Variants in CLIP4 observed in about 807,000 individuals in gnomAD.
CLIP4 encodes CAP-Gly domain-containing linker protein 4.
CLIP4 carries 47 observed loss-of-function variants against 73.1 expected under a neutral mutation model. That is an observed-to-expected ratio of 0.64 (90% confidence interval 0.51 to 0.82). The LOEUF (loss-of-function observed/expected upper bound fraction) is 0.82. Among genes scored for constraint, CLIP4 ranks in the 40% least tolerant of loss-of-function variants. The probability of loss-of-function intolerance (pLI) is 0.00; values close to 1 mark genes in which losing one functional copy is unlikely to be tolerated. For missense variants in CLIP4, 874 were observed against 852.9 expected, an observed-to-expected ratio of 1.02 and a Z score of -0.31; for synonymous variants, 306 against 295.4, an observed-to-expected ratio of 1.04 and a Z score of -0.37.
intron 6 of CLIP4, among the ~76,000 whole-genome samples, chr2:29,138,380 T>G (rs2147974295): frequency 6.6e-6 from 1 of 152,262 alleles, no homozygotes; most frequent in Non-Finnish European, 1.5e-5. Flanking sequence ...TTTTTAGCAA[T>G]ATCATGCTGT....
At chr2:29,157,059 GA>G in intron 10 of CLIP4, 144 bp from the exon 11 acceptor site, 1 of 663,570 alleles carries the variant, frequency 1.5e-6, no homozygotes, top group Non-Finnish European at 2.6e-6. Flanking sequence ...TTGCTATTTG[GA>G]TGAAATTAGG....
intron 13 of CLIP4, among the ~76,000 whole-genome samples, chr2:29,166,741 A>C (rs879810122): frequency 4.6e-5 from 7 of 152,174 alleles, no homozygotes; most frequent in Non-Finnish European, 8.8e-5. Flanking sequence ...TCAGTCTCTC[A>C]TTGCAGTATG....
chr2:29,098,141 G>C (rs748831848), intron 1 of CLIP4, among the ~76,000 whole-genome samples: 20 of 152,184 alleles, frequency 1.3e-4, no homozygotes, highest in Non-Finnish European at 2.6e-4. Context: ...GTACGTAATG[G>C]AATGATCAGA....
chr2:29,160,065 A>C (rs1211497780), intron 11 of CLIP4, among the ~76,000 whole-genome samples: 6 of 152,244 alleles, frequency 3.9e-5, no homozygotes, highest in Non-Finnish European at 7.3e-5. Context: ...GTAGTTTACC[A>C]GGGATCAGGT....
At chr2:29,123,454 G>T (rs922925961) in intron 2 of CLIP4, among the ~76,000 whole-genome samples, 3 of 152,174 alleles carry the variant, frequency 2.0e-5, no homozygotes, top group Non-Finnish European at 2.9e-5. Context: ...AGGTCATAAT[G>T]AATTCTGTGG....
At chr2:29,168,877 C>T (rs1406360969) in intron 14 of CLIP4, among the ~76,000 whole-genome samples, 1 of 151,112 alleles carries the variant, frequency 6.6e-6, no homozygotes, top group African/African-American at 2.4e-5. Context: ...AAGATATTTT[C>T]TTATATTGTT....
At chr2:29,174,494 G>A (rs1191245483) in intron 15 of CLIP4, 49 bp downstream of exon 15, 1 of 1,586,114 alleles carries the variant, frequency 6.3e-7, no homozygotes, top group Non-Finnish European at 8.5e-7. Flanking sequence ...TGAACATGAT[G>A]GGATTCTGTG....
chr2:29,144,203 T>C (rs751687588), intron 7 of CLIP4, among the ~76,000 whole-genome samples: 3 of 152,140 alleles, frequency 2.0e-5, no homozygotes, highest in Non-Finnish European at 4.4e-5. Flanking sequence ...TTGAGTGAAT[T>C]TAGAAGCATG....
intron 15 of CLIP4, 116 bp from the exon 16 acceptor site, chr2:29,181,456 T>A (rs757120313): frequency 1.1e-5 from 9 of 838,112 alleles, no homozygotes; most frequent in Non-Finnish European, 1.6e-5. Flanking sequence ...CATAAAGTAT[T>A]CTCTTTTGGG....
intron 2 of CLIP4, among the ~76,000 whole-genome samples, chr2:29,122,841 A>G (rs1048030487): frequency 2.0e-5 from 3 of 151,418 alleles, no homozygotes; most frequent in African/African-American, 7.3e-5. Flanking sequence ...AAAAAAAAAA[A>G]AAAAAAAAAG....
At chr2:29,176,954 T>A (rs1668379081) in intron 15 of CLIP4, among the ~76,000 whole-genome samples, 1 of 152,182 alleles carries the variant, frequency 6.6e-6, no homozygotes, top group East Asian at 1.9e-4. Flanking sequence ...CCCTTAAAGC[T>A]TTCGAATTCT....
chr2:29,135,725 G>A (rs541234109), intron 6 of CLIP4, 59 bp downstream of exon 6: 1 of 1,214,920 alleles, frequency 8.2e-7, no homozygotes, highest in Middle Eastern at 2.0e-4. Flanking sequence ...TTACTTTCTG[G>A]TAAAATGTTG....
intron 14 of CLIP4, among the ~76,000 whole-genome samples, chr2:29,171,833 T>A (rs191061281): frequency 3.1e-3 from 474 of 152,162 alleles, no homozygotes; most frequent in African/African-American, 0.011. Flanking sequence ...TTTACTTTTT[T>A]AAAAAAATCT....
At chr2:29,166,530 GACACACAC>G (rs55833657) in intron 13 of CLIP4, among the ~76,000 whole-genome samples, 145 of 147,002 alleles carry the variant, frequency 9.9e-4, no homozygotes, top group African/African-American at 2.1e-3. Flanking sequence ...TACACACACA[GACACACAC>G]ACACACACAC....
chr2:29,110,834 G>A (rs914317911), upstream of CLIP4, among the ~76,000 whole-genome samples: 8 of 152,114 alleles, frequency 5.3e-5, no homozygotes, highest in African/African-American at 1.4e-4. Flanking sequence ...GATCACAGGT[G>A]CACGCCACCA....
At chr2:29,135,333 ATC>A (rs1665274326) in intron 5 of CLIP4, among the ~76,000 whole-genome samples, 1 of 152,160 alleles carries the variant, frequency 6.6e-6, no homozygotes, top group Non-Finnish European at 1.5e-5. Flanking sequence ...ATATCACTCC[ATC>A]TTATAATGAA....
intron 14 of CLIP4, chr2:29,167,814 T>G: frequency 7.4e-6 from 2 of 269,656 alleles, no homozygotes; most frequent in Non-Finnish European, 1.4e-5. Context: ...ACATTAATTA[T>G]TCCCTTGATT....
intron 2 of CLIP4, among the ~76,000 whole-genome samples, chr2:29,122,850 A>G (rs1014499974): frequency 7.7e-4 from 104 of 135,942 alleles, no homozygotes; most frequent in Middle Eastern, 3.8e-3. Context: ...AAAAAAAAAA[A>G]GCATTGTAGT....
At chr2:29,178,182 A>T (rs1467386401) in intron 15 of CLIP4, among the ~76,000 whole-genome samples, 3 of 144,708 alleles carry the variant, frequency 2.1e-5, no homozygotes, top group South Asian at 2.2e-4. Flanking sequence ...ATGTGTCTGA[A>T]TTTTTTTTTT....
Sources: gnomAD v4.1 joint callset for allele counts (sites outside exome capture counted in the v4.1 genomes callset) on GRCh38, gnomAD v4.1.1 for gene constraint, MANE v1.5 for transcripts, NCBI Gene and HGNC (gene_info 2026-07-23, HGNC 2026-07-21) for gene names.